NLGN1: variants seen among roughly 807,000 people sequenced by gnomAD.
The protein encoded by NLGN1 is neuroligin 1.
In NLGN1, 12 loss-of-function variants were observed where a neutral mutation model predicts 65.5. The observed-to-expected ratio is 0.18, with a 90% CI of 0.12 to 0.30. The LOEUF is 0.30. Among genes scored for constraint, NLGN1 ranks in the 10% least tolerant of loss-of-function variants. The probability of loss-of-function intolerance (pLI) is 1.00; values close to 1 mark genes in which losing one functional copy is unlikely to be tolerated. For synonymous variants in NLGN1, 350 were observed against 359.5 expected (o/e 0.97, Z 0.30); for missense variants, 750 against 1,007.1 (o/e 0.74, Z 3.46).
rs370701188 is a variant in NLGN1 at position 174,096,987 on chromosome 3, A to G, written c.647-178328A>G. Among the ~76,000 whole-genome samples the G allele has an allele frequency of 3.9e-5, 6 of 152,118 alleles. No individual in the cohort carries two copies. The South Asian group carries it at 8.3e-4, about 21-fold the overall frequency. On this transcript the variant is annotated intron_variant, in intron 4 of 6. Transcript: ENST00000457714. ...TGTCTGTGTGTAATCATGTGTGTCTATAAGTTTTTTTTTTTAACTAATGGC... is the reference window on the plus strand; with the variant it reads ...TGTCTGTGTGTAATCATGTGTGTCTGTAAGTTTTTTTTTTTAACTAATGGC...
chr3:173,594,420 C>T (rs1283142765), intron 2 of NLGN1, among the ~76,000 whole-genome samples: 1 of 152,220 alleles, frequency 6.6e-6, no homozygotes, highest in Non-Finnish European at 1.5e-5. Context: ...GTCTCACATC[C>T]AGGTCACACT....
chr3:173,638,388 G>GAA (rs34003190), intron 3 of NLGN1, among the ~76,000 whole-genome samples: 4,129 of 145,836 alleles, frequency 0.028, 83 homozygotes, highest in Middle Eastern at 0.047. Flanking sequence ...ATTATAAAAT[G>GAA]AAAAAAAAAA....
intron 3 of NLGN1, among the ~76,000 whole-genome samples, chr3:173,625,800 C>T (rs539341494): frequency 5.3e-4 from 80 of 152,138 alleles, no homozygotes; most frequent in African/African-American, 1.8e-3. Flanking sequence ...TTTATGTAGT[C>T]TATAGATACA....
chr3:174,157,318 C>G (rs1725625106), intron 4 of NLGN1, among the ~76,000 whole-genome samples: 1 of 151,758 alleles, frequency 6.6e-6, no homozygotes, highest in Non-Finnish European at 1.5e-5. Context: ...CCCCCTCTTT[C>G]TCATCATTGC....
At chr3:174,003,375 A>G (rs1319939478) in intron 4 of NLGN1, among the ~76,000 whole-genome samples, 1 of 152,182 alleles carries the variant, frequency 6.6e-6, no homozygotes, top group Non-Finnish European at 1.5e-5. Flanking sequence ...TCCATGGACC[A>G]GTAGCATTAG....
intron 4 of NLGN1, among the ~76,000 whole-genome samples, chr3:174,028,577 A>G (rs1159037098): frequency 6.6e-6 from 1 of 152,234 alleles, no homozygotes; most frequent in Non-Finnish European, 1.5e-5. Context: ...GGTGCTGTTA[A>G]CAGCATTCAG....
At chr3:174,204,037 A>G (rs922025991) in intron 4 of NLGN1, among the ~76,000 whole-genome samples, 1 of 152,196 alleles carries the variant, frequency 6.6e-6, no homozygotes, top group Non-Finnish European at 1.5e-5. Context: ...ATACAATTTT[A>G]TATCTTTCTA....
At chr3:173,522,597 AT>A (rs71300451) in intron 2 of NLGN1, among the ~76,000 whole-genome samples, 190 of 151,164 alleles carry the variant, frequency 1.3e-3, no homozygotes, top group African/African-American at 4.5e-3. Context: ...CGCCCAGCTA[AT>A]TTTTTTTTGT....
At position 173,628,789 on chromosome 3, in the gene NLGN1, G is replaced by A. The variant is rs1235251358; in HGVS notation, c.493+23698G>A. Among the ~76,000 whole-genome samples the A allele has an allele frequency of 2.0e-5, 3 of 151,896 alleles. No individual in the cohort carries two copies. In the East Asian group the frequency reaches 5.8e-4, roughly 29 times the overall value. Reference sequence around the variant, plus strand: ...GCTCACTGCAACCTCTGTCTCCTGGGCTCAAGCGATTCTCCTAGCTCAGTC... The same window carrying A: ...GCTCACTGCAACCTCTGTCTCCTGGACTCAAGCGATTCTCCTAGCTCAGTC... On this transcript the variant is annotated intron_variant, in intron 3 of 6. Coordinates refer to ENST00000457714, the Ensembl canonical transcript of NLGN1.
chr3:174,004,178 C>T lies in NLGN1; in HGVS notation c.646+196346C>T, dbSNP rs144984308. On this transcript the variant is annotated intron_variant, in intron 4 of 6. Transcript: ENST00000457714. ...CTTCAATTTGTGTAGCCCAAAGATTCCTGTTAGCTTTGTTATTACTACATC... is the reference window on the plus strand; with the variant it reads ...CTTCAATTTGTGTAGCCCAAAGATTTCTGTTAGCTTTGTTATTACTACATC... Among the ~76,000 whole-genome samples, 870 of 152,208 alleles carry T rather than the reference C, an allele frequency of 5.7e-3. 13 individuals carry two copies. Among genetic ancestry groups the T allele is most frequent in the African/African-American group, 0.02 (838 of 41,550 alleles).
exon 3 of NLGN1, chr3:173,604,962 A>G (rs1382697798): frequency 6.2e-7 from 1 of 1,613,726 alleles, no homozygotes; most frequent in South Asian, 1.1e-5. Flanking sequence ...CCAGAATATC[A>G]TTGATGGCAG....
At chr3:174,238,146 T>A (rs1033576166) in intron 4 of NLGN1, among the ~76,000 whole-genome samples, 2 of 152,212 alleles carry the variant, frequency 1.3e-5, no homozygotes, top group Non-Finnish European at 2.9e-5. Context: ...GTTTTTGTTT[T>A]ATTTTGCCTT....
chr3:174,273,685 T>G (rs977633236), intron 4 of NLGN1, among the ~76,000 whole-genome samples: 1 of 151,738 alleles, frequency 6.6e-6, no homozygotes, highest in Non-Finnish European at 1.5e-5. Context: ...ACAACTTTAG[T>G]CTTAAGGAAA....
At chr3:174,027,550 C>T (rs934815396) in intron 4 of NLGN1, among the ~76,000 whole-genome samples, 5 of 151,958 alleles carry the variant, frequency 3.3e-5, no homozygotes, top group Non-Finnish European at 5.9e-5. Context: ...ATAATAAACA[C>T]CACTAAGGGG....
intron 3 of NLGN1, among the ~76,000 whole-genome samples, chr3:173,804,425 T>C (rs908180523): frequency 6.6e-6 from 1 of 151,998 alleles, no homozygotes; most frequent in Non-Finnish European, 1.5e-5. Flanking sequence ...TATGTAAAGG[T>C]TTAAAGAGAC....
chr3:173,993,559 G>A (rs767276668), intron 4 of NLGN1, among the ~76,000 whole-genome samples: 6 of 152,204 alleles, frequency 3.9e-5, no homozygotes, highest in Admixed American at 3.9e-4. Context: ...CTTTTGGTCA[G>A]TAGATGGAGT....
At chr3:173,657,447 C>T (rs1449869617) in intron 3 of NLGN1, among the ~76,000 whole-genome samples, 1 of 151,958 alleles carries the variant, frequency 6.6e-6, no homozygotes, top group East Asian at 1.9e-4. Flanking sequence ...GCCATTTTCT[C>T]TGTCCCTCCT....
At chr3:173,482,593 G>T (rs887739905) in intron 2 of NLGN1, among the ~76,000 whole-genome samples, 1 of 151,310 alleles carries the variant, frequency 6.6e-6, no homozygotes, top group Non-Finnish European at 1.5e-5. Context: ...ATTTTAACAT[G>T]GTCTCTTAAT....
intron 2 of NLGN1, among the ~76,000 whole-genome samples, chr3:173,579,727 T>C (rs1019754697): frequency 1.3e-5 from 2 of 152,214 alleles, no homozygotes; most frequent in Non-Finnish European, 2.9e-5. Context: ...AACAGTCACC[T>C]TTGCAGTAGT....
Sources: allele counts gnomAD v4.1 joint callset (sites outside exome capture counted in the v4.1 genomes callset), GRCh38; gene constraint gnomAD v4.1.1; transcripts MANE v1.5; gene names NCBI Gene and HGNC (gene_info 2026-07-23, HGNC 2026-07-21).